The following MS4A5 variants were observed in gnomAD, a reference collection of about 807,000 sequenced individuals.
The protein encoded by MS4A5 is membrane-spanning 4-domains subfamily A member 5.
MS4A5 carries 15 observed loss-of-function variants against 18.2 expected under a neutral mutation model. The ratio of observed to expected loss-of-function variants is 0.83; its 90% CI spans 0.55 to 1.27. The LOEUF (loss-of-function observed/expected upper bound fraction) is 1.27, where lower values mean the gene tolerates loss of function less well. Among genes scored for constraint, MS4A5 ranks in the 50% most tolerant of loss-of-function variants. The pLI is 0.00. For missense variants in MS4A5, 232 were observed against 225.7 expected (o/e 1.03, Z -0.18); for synonymous variants, 89 against 78.7 (o/e 1.13, Z -0.69).
rs71036582 is a variant in MS4A5, at chr11:60,432,769, C to CAAAA, written c.339+311_339+314dup. Among the ~76,000 whole-genome samples, 170 of 138,178 alleles carry CAAAA rather than the reference C, an allele frequency of 1.2e-3. 3 individuals are homozygous for CAAAA. The highest frequency in any genetic ancestry group is 4.4e-3 in the African/African-American group (161 of 36,710). The allele number at this position is 138,178 out of a possible 152,430, so 90.7% of individuals were successfully genotyped here. On this transcript the variant is annotated intron_variant, in intron 3 of 4. Coordinates refer to ENST00000300190, the MANE Select transcript of MS4A5 (RefSeq NM_023945.3). ...CTGGGCAACGGAAAAGACTCCATCTCAAAAAAAAAAAACAAAAAAAAGTAA... is the reference window on the plus strand; with the variant it reads ...CTGGGCAACGGAAAAGACTCCATCTCAAAAAAAAAAAAAAAACAAAAAAAAGTAA...
At chr11:60,441,272 T>G in intron 4 of MS4A5, among the ~76,000 whole-genome samples, 1 of 128,322 alleles carries the variant, frequency 7.8e-6, no homozygotes, top group Non-Finnish European at 1.7e-5. Flanking sequence ...CTCTGGGAAC[T>G]GTTATGGGGT....
At chr11:60,441,110 A>G (rs2135177719) in intron 4 of MS4A5, among the ~76,000 whole-genome samples, 1 of 99,392 alleles carries the variant, frequency 1.0e-5, no homozygotes, top group South Asian at 3.3e-4. Flanking sequence ...AAAAATGATG[A>G]GTTCATGTCC....
At chr11:60,446,553 C>A (rs574097167) in intron 4 of MS4A5, among the ~76,000 whole-genome samples, 1 of 151,972 alleles carries the variant, frequency 6.6e-6, no homozygotes, top group Non-Finnish European at 1.5e-5. Flanking sequence ...GCCAACATGG[C>A]GAAACCCCGT....
At chr11:60,429,863 G>A (rs765215279) in intron 1 of MS4A5, 36 bp downstream of exon 1, 21 of 1,591,146 alleles carry the variant, frequency 1.3e-5, no homozygotes, top group Non-Finnish European at 1.8e-5. Flanking sequence ...ATTTTACTGA[G>A]GCAGGGGAAA....
chr11:60,438,405 C>G (rs199750400), intron 4 of MS4A5, among the ~76,000 whole-genome samples: 40,136 of 150,556 alleles, frequency 0.27, 5,727 homozygotes, highest in Admixed American at 0.38. Context: ...CTAGCAGAAG[C>G]CAAGAAATAA....
At chr11:60,438,707 T>C (rs1417934953) in intron 4 of MS4A5, among the ~76,000 whole-genome samples, 41 of 151,724 alleles carry the variant, frequency 2.7e-4, no homozygotes, top group African/African-American at 9.2e-4. Flanking sequence ...ACATACACTG[T>C]CCCAAGACTA....
intron 4 of MS4A5, among the ~76,000 whole-genome samples, chr11:60,440,274 T>A (rs879666146): frequency 0.02 from 2,141 of 104,854 alleles, 11 homozygotes; most frequent in Admixed American, 0.1. Context: ...CAAAAATCAA[T>A]TCAAGATGGA....
intron 4 of MS4A5, among the ~76,000 whole-genome samples, chr11:60,447,352 A>G (rs927854250): frequency 6.6e-6 from 1 of 151,850 alleles, no homozygotes; most frequent in African/African-American, 2.4e-5. Context: ...ATGCTATGCT[A>G]TGCTATGCTA....
intron 4 of MS4A5, among the ~76,000 whole-genome samples, chr11:60,446,934 C>A (rs1378450730): frequency 6.6e-6 from 1 of 151,752 alleles, no homozygotes; most frequent in Non-Finnish European, 1.5e-5. Flanking sequence ...ATATGCATTT[C>A]TTTGCATTTT....
intron 4 of MS4A5, among the ~76,000 whole-genome samples, chr11:60,434,992 C>T (rs753725874): frequency 1.3e-5 from 2 of 152,178 alleles, no homozygotes; most frequent in African/African-American, 4.8e-5. Flanking sequence ...ATAGCAAAGT[C>T]GCTGAACAAA....
At chr11:60,429,921 T>C in intron 1 of MS4A5, 94 bp downstream of exon 1, 1 of 1,183,958 alleles carries the variant, frequency 8.4e-7, no homozygotes, top group South Asian at 1.5e-5. Flanking sequence ...AGGAGCCTAT[T>C]CCAATTCTTC....
chr11:60,446,889 C>T (rs571220053), intron 4 of MS4A5, among the ~76,000 whole-genome samples: 50 of 151,762 alleles, frequency 3.3e-4, no homozygotes, highest in African/African-American at 1.1e-3. Context: ...GTTTCTTCAC[C>T]TTCTTTCTTT....
rs1198924754 is a variant in MS4A5, at chr11:60,447,307, G to GTGCTATGCTATGCTATGCTA, written c.493-298_493-279dup. Among the ~76,000 whole-genome samples, 1,166 of 139,648 alleles carry GTGCTATGCTATGCTATGCTA rather than the reference G, an allele frequency of 8.3e-3. 20 individuals carry two copies. The highest frequency in any genetic ancestry group is 0.021 in the East Asian group (97 of 4,602). The allele number at this position is 139,648 out of a possible 152,430, so 91.6% of individuals were successfully genotyped here. On this transcript the variant is annotated intron_variant, in intron 4 of 4. Transcript: ENST00000300190. Reference sequence around the variant, plus strand: ...ATGCTATGCTATGCTATCCTATGCTGTGCTATGCTATGCTATGCTATGCTA... The same window carrying GTGCTATGCTATGCTATGCTA: ...ATGCTATGCTATGCTATCCTATGCTGTGCTATGCTATGCTATGCTATGCTATGCTATGCTATGCTATGCTA...
chr11:60,444,452 G>A (rs1410256171), intron 4 of MS4A5, among the ~76,000 whole-genome samples: 2 of 151,698 alleles, frequency 1.3e-5, no homozygotes, highest in Admixed American at 1.3e-4. Flanking sequence ...CTAAATATAG[G>A]GGAAAAATAA....
In MS4A5 at chr11:60,432,491, A is replaced by G. The variant is rs2086055089; in HGVS notation, c.339+24A>G. ...TGGTGAGTTATATTCTTACTTTATT[A>G]AAAATATATTTTGTAGCCAGTCATG... is the stretch of plus-strand genomic sequence containing the variant. On this transcript the variant is annotated intron_variant, in intron 3 of 4. Transcript: ENST00000300190. The G allele has an allele frequency of 2.7e-6, 4 of 1,471,976 alleles. No individual in the cohort carries two copies. In the East Asian group the frequency reaches 9.4e-5, roughly 35 times the overall value. The allele number at this position is 1,471,976 out of a possible 1,614,324, so 91.2% of individuals were successfully genotyped here. A position where few individuals can be genotyped will look rare whatever the true frequency, so the allele number is the denominator to read the frequency against.
chr11:60,435,822 G>C (rs1475078441), intron 4 of MS4A5, among the ~76,000 whole-genome samples: 3 of 151,988 alleles, frequency 2.0e-5, no homozygotes. Flanking sequence ...AGCAGTCTGA[G>C]ATCAAACTGC....
At chr11:60,430,503 G>A (rs1375080282) in intron 1 of MS4A5, among the ~76,000 whole-genome samples, 1 of 152,190 alleles carries the variant, frequency 6.6e-6, no homozygotes, top group East Asian at 1.9e-4. Context: ...CGTTCAGTAA[G>A]TATGGGATAG....
intron 4 of MS4A5, 110 bp from the exon 5 acceptor site, chr11:60,447,539 T>C: frequency 1.6e-6 from 1 of 625,784 alleles, no homozygotes; most frequent in Non-Finnish European, 2.8e-6. Flanking sequence ...ACTTGAGATA[T>C]TTGGGGAAGC....
At chr11:60,431,513 C>T (rs1362058969) in intron 2 of MS4A5, among the ~76,000 whole-genome samples, 1 of 152,122 alleles carries the variant, frequency 6.6e-6, no homozygotes, top group East Asian at 1.9e-4. Context: ...GAAAGCAGTG[C>T]CTGAGCTCAA....
Sources: allele counts gnomAD v4.1 joint callset (sites outside exome capture counted in the v4.1 genomes callset), GRCh38; gene constraint gnomAD v4.1.1; transcripts MANE v1.5; gene names NCBI Gene and HGNC (gene_info 2026-07-23, HGNC 2026-07-21).